ITGBL1: variants seen among roughly 807,000 people sequenced by gnomAD.
The protein encoded by ITGBL1 is integrin beta-like protein 1.
In ITGBL1, 51 loss-of-function variants were observed where a neutral mutation model predicts 68.5. That is an observed-to-expected ratio of 0.74 (90% CI 0.59 to 0.94). ITGBL1 has a LOEUF of 0.94. ITGBL1 is among the 40% of genes least tolerant of loss of function. The probability of loss-of-function intolerance (pLI) is 0.00; values close to 1 mark genes in which losing one functional copy is unlikely to be tolerated. For synonymous variants in ITGBL1, 209 were observed against 227.3 expected (o/e 0.92, Z 0.72); for missense variants, 649 against 647.4 (o/e 1.00, Z -0.03).
At chr13:101,543,695 C>G (rs888030444) in intron 2 of ITGBL1, among the ~76,000 whole-genome samples, 1 of 152,202 alleles carries the variant, frequency 6.6e-6, no homozygotes, top group Non-Finnish European at 1.5e-5. Flanking sequence ...TCAGGTACAC[C>G]AATCAGACGC....
chr13:101,546,309 C>G (rs2049822890), intron 2 of ITGBL1, among the ~76,000 whole-genome samples: 1 of 152,054 alleles, frequency 6.6e-6, no homozygotes, highest in Non-Finnish European at 1.5e-5. Context: ...GGTTACATGG[C>G]TTTAATTTCA....
At chr13:101,638,264 T>G (rs746238106) in intron 7 of ITGBL1, among the ~76,000 whole-genome samples, 18 of 152,148 alleles carry the variant, frequency 1.2e-4, no homozygotes, top group Non-Finnish European at 2.6e-4. Flanking sequence ...CATCTGTAAT[T>G]GCTACATAGC....
chr13:101,496,265 C>A (rs1447855905), intron 2 of ITGBL1, among the ~76,000 whole-genome samples: 1 of 152,124 alleles, frequency 6.6e-6, no homozygotes, highest in East Asian at 1.9e-4. Context: ...AGGGACACAG[C>A]CCTGGGCATA....
At chr13:101,515,461 G>T (rs1417361694) in intron 2 of ITGBL1, among the ~76,000 whole-genome samples, 1 of 152,142 alleles carries the variant, frequency 6.6e-6, no homozygotes, top group Non-Finnish European at 1.5e-5. Context: ...TTGCTTCGTT[G>T]GTGAGTCTTT....
At chr13:101,600,094 G>A (rs2030265353) in intron 7 of ITGBL1, among the ~76,000 whole-genome samples, 1 of 152,134 alleles carries the variant, frequency 6.6e-6, no homozygotes, top group African/African-American at 2.4e-5. Flanking sequence ...TCATTTGTTT[G>A]TATGCTCTTT....
chr13:101,536,886 G>C (rs537848018), intron 2 of ITGBL1, among the ~76,000 whole-genome samples: 18 of 152,084 alleles, frequency 1.2e-4, no homozygotes, highest in Middle Eastern at 3.4e-3. Flanking sequence ...TTTAAGAAAT[G>C]AATGGCATTT....
intron 2 of ITGBL1, among the ~76,000 whole-genome samples, chr13:101,542,875 C>G (rs1048094274): frequency 1.3e-5 from 2 of 152,144 alleles, no homozygotes; most frequent in Non-Finnish European, 2.9e-5. Flanking sequence ...ACTAGGATTG[C>G]AACCCCTGCC....
At chr13:101,690,223 AC>A (rs1399984384) in intron 7 of ITGBL1, among the ~76,000 whole-genome samples, 1 of 152,220 alleles carries the variant, frequency 6.6e-6, no homozygotes, top group East Asian at 1.9e-4. Flanking sequence ...TTATTGTCTA[AC>A]TTTACACAAA....
At chr13:101,535,630 A>G (rs113745421) in intron 2 of ITGBL1, among the ~76,000 whole-genome samples, 2,156 of 152,238 alleles carry the variant, frequency 0.014, 49 homozygotes, top group African/African-American at 0.049. Flanking sequence ...ATAAGTTGAG[A>G]GTTCATATAT....
At chr13:101,535,028 CTT>C (rs1029818850) in intron 2 of ITGBL1, among the ~76,000 whole-genome samples, 2 of 152,228 alleles carry the variant, frequency 1.3e-5, no homozygotes, top group Non-Finnish European at 2.9e-5. Flanking sequence ...TCATATTCCT[CTT>C]GTCTTCACAG....
At chr13:101,557,798 G>A (rs1238151027) in intron 2 of ITGBL1, among the ~76,000 whole-genome samples, 1 of 151,940 alleles carries the variant, frequency 6.6e-6, no homozygotes, top group African/African-American at 2.4e-5. Context: ...TAAATAAAAT[G>A]CCTCATGAGG....
intron 2 of ITGBL1, among the ~76,000 whole-genome samples, chr13:101,545,586 A>C (rs1414311): frequency 0.78 from 118,011 of 152,092 alleles, 45,753 homozygotes; most frequent in South Asian, 0.81. Flanking sequence ...GGGGAAAACA[A>C]ATATTTTAAA....
intron 7 of ITGBL1, among the ~76,000 whole-genome samples, chr13:101,686,084 C>A (rs2033748669): frequency 6.6e-6 from 1 of 152,002 alleles, no homozygotes; most frequent in Non-Finnish European, 1.5e-5. Context: ...CAGCAAACTT[C>A]TTTTTGGGAA....
chr13:101,700,353 G>A (rs1296871294), intron 8 of ITGBL1, among the ~76,000 whole-genome samples: 1 of 152,124 alleles, frequency 6.6e-6, no homozygotes, highest in African/African-American at 2.4e-5. Flanking sequence ...CCAACATTGT[G>A]TCCCACATAT....
chr13:101,662,551 G>A (rs2033113819), intron 7 of ITGBL1, among the ~76,000 whole-genome samples: 1 of 152,008 alleles, frequency 6.6e-6, no homozygotes, highest in African/African-American at 2.4e-5. Context: ...CATACATTTG[G>A]TTGTTCTTAC....
intron 8 of ITGBL1, among the ~76,000 whole-genome samples, chr13:101,705,432 G>A (rs938278484): frequency 6.6e-6 from 1 of 151,450 alleles, no homozygotes; most frequent in East Asian, 1.9e-4. Flanking sequence ...CCGCATTCTC[G>A]CAAGTGTCCT....
intron 2 of ITGBL1, among the ~76,000 whole-genome samples, chr13:101,529,072 G>C (rs1378530853): frequency 2.0e-5 from 3 of 151,762 alleles, no homozygotes; most frequent in African/African-American, 7.2e-5. Context: ...AATAATTTCA[G>C]AAATGAAGAC....
chr13:101,523,158 G>T (rs1301904557), intron 2 of ITGBL1, among the ~76,000 whole-genome samples: 2 of 152,200 alleles, frequency 1.3e-5, no homozygotes, highest in Middle Eastern at 3.4e-3. Flanking sequence ...AGCTCCATTT[G>T]TCCTTGAAAT....
chr13:101,564,766 ATG>A (rs1459439878), intron 2 of ITGBL1, among the ~76,000 whole-genome samples: 4 of 151,088 alleles, frequency 2.6e-5, no homozygotes, highest in African/African-American at 9.7e-5. Context: ...ATATATGTAT[ATG>A]TAATTATATA....
Sources: gnomAD v4.1 joint callset for allele counts (sites outside exome capture counted in the v4.1 genomes callset) on GRCh38, gnomAD v4.1.1 for gene constraint, MANE v1.5 for transcripts, NCBI Gene and HGNC (gene_info 2026-07-23, HGNC 2026-07-21) for gene names.